Variants in TMEM184C observed in about 807,000 individuals in gnomAD.
TMEM184C encodes transmembrane protein 184C, also known as transmembrane protein 34.
Under a neutral mutation model 54.5 loss-of-function variants are expected in TMEM184C, and 25 were observed. That is an observed-to-expected ratio of 0.46 (90% CI 0.33 to 0.64). The LOEUF (loss-of-function observed/expected upper bound fraction) is 0.64. TMEM184C is among the 30% of genes least tolerant of loss of function. TMEM184C has a pLI of 0.02. For missense variants in TMEM184C, 335 were observed against 520.3 expected (o/e 0.64, Z 3.46); for synonymous variants, 148 against 181.5 (o/e 0.82, Z 1.49).
rs760787577 is a variant in TMEM184C, at chr4:147,634,187, A to G, written c.1070A>G (p.His357Arg). The G allele has an allele frequency of 4.3e-6, 7 of 1,613,702 alleles. No individual in the cohort carries two copies. The highest frequency in any genetic ancestry group is 1.7e-5 in the Admixed American group (1 of 60,004). Residue 357 changes from histidine to arginine, a missense_variant, in exon 10 of 10, where the codon CAT becomes CGT. Coordinates refer to ENST00000296582, the MANE Select transcript of TMEM184C (RefSeq NM_018241.3). ...VRHVGRTVRG[H>R]PRKKLFPEDQ... Reference sequence around the variant, plus strand: ...ATTAAAGGACGGACAGTCAGGGGACATCCCAGGAAAAAATTGTTTCCCGAG... The same window carrying G: ...ATTAAAGGACGGACAGTCAGGGGACGTCCCAGGAAAAAATTGTTTCCCGAG...
In TMEM184C at chr4:147,617,996, A is replaced by G; in HGVS notation, c.40A>G (p.Ile14Val). 1 of 1,614,198 alleles carries G rather than the reference A, an allele frequency of 6.2e-7. No individual in the cohort carries two copies. The highest frequency in any genetic ancestry group is 1.1e-5 in the South Asian group (1 of 91,084). ...TACCTGGAGGAACTGGAGACAGTGG[A>G]TTCGACCTTTAGTAGCGGTCATCTA... ...TCTWRNWRQW[I>V]RPLVAVIYLV... Residue 14 changes from isoleucine to valine, a missense_variant, in exon 1 of 10, where the codon ATT becomes GTT. Physicochemically the swap from Ile to Val is conservative, Grantham distance 29 (BLOSUM62 3). Transcript: ENST00000296582.
intron 1 of TMEM184C, among the ~76,000 whole-genome samples, chr4:147,619,144 G>A (rs948434382): frequency 6.6e-6 from 1 of 152,084 alleles, no homozygotes; most frequent in Non-Finnish European, 1.5e-5. Flanking sequence ...GGGATTACAG[G>A]TGTGAGCCAC....
intron 7 of TMEM184C, among the ~76,000 whole-genome samples, chr4:147,631,746 T>C (rs906007685): frequency 6.6e-6 from 1 of 152,198 alleles, no homozygotes; most frequent in Non-Finnish European, 1.5e-5. Context: ...ACTAGAATAA[T>C]TATTAAAATA....
chr4:147,632,775 A>G (rs1426747067), intron 7 of TMEM184C, 128 bp from the exon 8 acceptor site: 2 of 622,988 alleles, frequency 3.2e-6, no homozygotes, highest in Non-Finnish European at 5.6e-6. Flanking sequence ...CTTCAGCAAT[A>G]TGCTGTAAAG....
At chr4:147,618,131 G>A (rs897570193) in intron 1 of TMEM184C, 52 bp downstream of exon 1, 3 of 1,609,212 alleles carry the variant, frequency 1.9e-6, no homozygotes, top group African/African-American at 2.7e-5. Flanking sequence ...CCCATCTATG[G>A]TTGGGAAAGA....
intron 4 of TMEM184C, among the ~76,000 whole-genome samples, chr4:147,626,511 A>G (rs894134123): frequency 1.3e-5 from 2 of 152,240 alleles, no homozygotes; most frequent in African/African-American, 4.8e-5. Context: ...TAGACATACA[A>G]CATAAGAATG....
intron 7 of TMEM184C, 75 bp from the exon 8 acceptor site, chr4:147,632,828 A>G: frequency 1.5e-6 from 2 of 1,363,548 alleles, no homozygotes; most frequent in Non-Finnish European, 2.0e-6. Context: ...ATTTTTTTTT[A>G]ATGGCACATT....
At chr4:147,627,467 A>G (rs1212350675) in intron 4 of TMEM184C, among the ~76,000 whole-genome samples, 1 of 151,794 alleles carries the variant, frequency 6.6e-6, no homozygotes, top group Non-Finnish European at 1.5e-5. Flanking sequence ...TTTTTTTTGT[A>G]GAGACAGAGT....
chr4:147,635,417 A>AAGAC lies in TMEM184C; in HGVS notation c.*985_*988dup, dbSNP rs1420979776. 6.6e-6 allele frequency: 1 copy of AAGAC among 152,228 alleles called. No homozygotes were observed. Among genetic ancestry groups the AAGAC allele is most frequent in the African/African-American group, 2.4e-5 (1 of 41,464 alleles). 9.4% of individuals were successfully genotyped at this position (152,228 alleles called of 1,614,324 possible). A position where few individuals can be genotyped will look rare whatever the true frequency, so the allele number is the denominator to read the frequency against. On this transcript the variant is annotated 3_prime_UTR_variant, in exon 10 of 10. Coordinates refer to ENST00000296582, the MANE Select transcript of TMEM184C (RefSeq NM_018241.3). ...AATTACTCATTAAACCACAGTCAGA[A>AAGAC]AGACATATAGGTGCTATTTGGGAAA...
chr4:147,624,066 C>A lies in TMEM184C; in HGVS notation c.259C>A (p.Leu87Ile). The A allele has an allele frequency of 1.2e-6, 2 of 1,607,138 alleles. No individual in the cohort carries two copies. The highest frequency in any genetic ancestry group is 1.1e-5 in the South Asian group (1 of 90,854). The change falls in exon 3 of 10, where the codon CTT becomes ATT. Residue 87 changes from leucine to isoleucine, a missense_variant. Coordinates refer to ENST00000296582, the MANE Select transcript of TMEM184C (RefSeq NM_018241.3). The stretch of plus-strand genomic sequence containing the variant: ...TCTGTTTTCCTTTTCCAATAGGATT[C>A]TTTGGATGGTACCTATTTACAGTTT... The part of the protein sequence containing the change: ...PELQKPIIRI[L>I]WMVPIYSLDS...
chr4:147,629,741 A>C lies in TMEM184C; in HGVS notation c.666+49A>C, dbSNP rs979309228. ...TAAACTGTACTAAATTCGTATCTAT[A>C]ACTAAATTTCTTTAGACAAAGTTTC... On this transcript the variant is annotated intron_variant, in intron 6 of 9. Coordinates refer to ENST00000296582, the MANE Select transcript of TMEM184C (RefSeq NM_018241.3). The C allele has an allele frequency of 4.5e-6, 6 of 1,341,960 alleles. No homozygotes were observed. In the African/African-American group the frequency reaches 9.1e-5, roughly 20 times the overall value. 83.1% of individuals were successfully genotyped at this position (1,341,960 alleles called of 1,614,324 possible). A position where few individuals can be genotyped will look rare whatever the true frequency, so the allele number is the denominator to read the frequency against.
At chr4:147,633,361 C>G (rs921475026) in intron 8 of TMEM184C, among the ~76,000 whole-genome samples, 2 of 150,820 alleles carry the variant, frequency 1.3e-5, no homozygotes, top group African/African-American at 4.9e-5. Context: ...CTTTGTAAGG[C>G]CAACGTTGGG....
intron 4 of TMEM184C, among the ~76,000 whole-genome samples, chr4:147,627,105 G>A (rs1732828586): frequency 6.6e-6 from 1 of 152,132 alleles, no homozygotes; most frequent in African/African-American, 2.4e-5. Flanking sequence ...GGGGGCTGGG[G>A]AATGACTTAG....
Position 147,635,463 on chromosome 4 carries a change from G to A in TMEM184C, c.*1029G>A, listed in dbSNP as rs527502856. The A allele has an allele frequency of 2.0e-5, 3 of 152,102 alleles. No homozygotes were observed. The highest frequency in any genetic ancestry group is 4.4e-5 in the Non-Finnish European group (3 of 68,022). The allele number at this position is 152,102 out of a possible 1,614,324, so 9.4% of individuals were successfully genotyped here. A position where few individuals can be genotyped will look rare whatever the true frequency, so the allele number is the denominator to read the frequency against. On this transcript the variant is annotated 3_prime_UTR_variant, in exon 10 of 10. Transcript: ENST00000296582. ...GGAAAACTTTTTATTACCTAGGATG[G>A]GGTTTCTCTAATTGCTAATCACAAC...
chr4:147,625,585 G>A (rs1294921709), intron 4 of TMEM184C, among the ~76,000 whole-genome samples: 1 of 152,176 alleles, frequency 6.6e-6, no homozygotes, highest in East Asian at 1.9e-4. Flanking sequence ...GATTAATTTT[G>A]CAATATCATA....
chr4:147,629,798 T>C, intron 6 of TMEM184C, 106 bp downstream of exon 6: 1 of 588,250 alleles, frequency 1.7e-6, no homozygotes, highest in Non-Finnish European at 2.6e-6. Context: ...CTTTTTAATC[T>C]TCCTATAAAT....
intron 1 of TMEM184C, among the ~76,000 whole-genome samples, 166 bp from the exon 2 acceptor site, chr4:147,623,668 G>A (rs1173678929): frequency 6.7e-6 from 1 of 150,346 alleles, no homozygotes; most frequent in South Asian, 2.1e-4. Context: ...GTAGTGACGG[G>A]TTCTCACTTT....
chr4:147,631,600 T>C, intron 7 of TMEM184C, 95 bp downstream of exon 7: 1 of 832,190 alleles, frequency 1.2e-6, no homozygotes, highest in East Asian at 2.7e-5. Flanking sequence ...ATGCGGAAGA[T>C]AGATTAAAAT....
intron 4 of TMEM184C, among the ~76,000 whole-genome samples, chr4:147,625,950 A>C (rs1184829472): frequency 1.3e-5 from 2 of 152,100 alleles, no homozygotes; most frequent in Non-Finnish European, 2.9e-5. Flanking sequence ...GGGTAGGGGG[A>C]AGCCAGTGAG....
Sources: gnomAD v4.1 joint callset for allele counts (sites outside exome capture counted in the v4.1 genomes callset) on GRCh38, gnomAD v4.1.1 for gene constraint, MANE v1.5 for transcripts, NCBI Gene and HGNC (gene_info 2026-07-23, HGNC 2026-07-21) for gene names.